The following CAMK1D variants were observed in gnomAD, a reference collection of about 807,000 sequenced individuals.
The protein encoded by CAMK1D is calcium/calmodulin dependent protein kinase ID.
Under a neutral mutation model 47.7 loss-of-function variants are expected in CAMK1D, and 9 were observed. That is an observed-to-expected ratio of 0.19 (90% CI 0.11 to 0.33). CAMK1D has a LOEUF of 0.33. CAMK1D is among the 10% of genes least tolerant of loss of function. CAMK1D has a pLI of 1.00. For synonymous variants in CAMK1D, 184 were observed against 184.9 expected (o/e 0.99, Z 0.04); for missense variants, 291 against 488.7 (o/e 0.60, Z 3.81).
At chr10:12,609,900 C>G (rs1588686450) in intron 2 of CAMK1D, among the ~76,000 whole-genome samples, 1 of 152,232 alleles carries the variant, frequency 6.6e-6, no homozygotes, top group South Asian at 2.1e-4. Context: ...CTCAAACATC[C>G]TGGAGAGTTG....
intron 1 of CAMK1D, among the ~76,000 whole-genome samples, chr10:12,487,926 A>G (rs777279642): frequency 2.0e-5 from 3 of 152,334 alleles, no homozygotes; most frequent in East Asian, 1.9e-4. Flanking sequence ...TCCTCCAGCC[A>G]TGTTGAAATA....
At position 12,831,109 on chromosome 10, in the gene CAMK1D, T is replaced by G. The variant is rs1239770863; in HGVS notation, c.*2222T>G. The G allele has an allele frequency of 6.6e-6, 1 of 152,204 alleles. No homozygotes were observed. Among genetic ancestry groups the G allele is most frequent in the Non-Finnish European group, 1.5e-5 (1 of 68,060 alleles). 9.4% of individuals were successfully genotyped at this position (152,204 alleles called of 1,614,324 possible). A position where few individuals can be genotyped will look rare whatever the true frequency, so the allele number is the denominator to read the frequency against. On this transcript the variant is annotated 3_prime_UTR_variant, in exon 11 of 11. Transcript: ENST00000619168. ...TCCACTGCTTGGCAGGAATTCTGCA[T>G]GGCATCTGCCACGCATGCTCACAGG...
intron 2 of CAMK1D, among the ~76,000 whole-genome samples, chr10:12,661,409 T>C (rs924106558): frequency 5.3e-5 from 8 of 152,222 alleles, no homozygotes; most frequent in African/African-American, 1.9e-4. Context: ...AGTTCTGTGA[T>C]CTTGGAATAC....
intron 2 of CAMK1D, among the ~76,000 whole-genome samples, chr10:12,657,253 C>T (rs551002545): frequency 5.3e-5 from 8 of 152,086 alleles, no homozygotes; most frequent in East Asian, 1.9e-4. Flanking sequence ...GGTGAAACCC[C>T]GTCTCTACTA....
chr10:12,499,938 G>A (rs1834650339), intron 1 of CAMK1D, among the ~76,000 whole-genome samples: 1 of 152,176 alleles, frequency 6.6e-6, no homozygotes, highest in South Asian at 2.1e-4. Context: ...GATGCTCCAA[G>A]AAGGCATAGT....
intron 2 of CAMK1D, among the ~76,000 whole-genome samples, chr10:12,647,034 G>A (rs1588729144): frequency 6.6e-6 from 1 of 151,764 alleles, no homozygotes; most frequent in East Asian, 1.9e-4. Flanking sequence ...GTAGAGATGG[G>A]GTTTCACCGT....
intron 1 of CAMK1D, among the ~76,000 whole-genome samples, chr10:12,538,977 A>G (rs960178036): frequency 1.6e-4 from 24 of 151,880 alleles, no homozygotes; most frequent in African/African-American, 5.3e-4. Flanking sequence ...CAAACAAGAC[A>G]GGTGGTCTCA....
intron 2 of CAMK1D, among the ~76,000 whole-genome samples, chr10:12,666,193 C>A (rs954822313): frequency 3.9e-5 from 6 of 151,972 alleles, no homozygotes; most frequent in African/African-American, 1.4e-4. Context: ...GGGACATGAA[C>A]CCCAGTGAGG....
intron 1 of CAMK1D, among the ~76,000 whole-genome samples, chr10:12,356,394 G>T (rs552274193): frequency 2.0e-5 from 3 of 152,296 alleles, no homozygotes; most frequent in African/African-American, 7.2e-5. Flanking sequence ...TGTGCTGGGA[G>T]GCTCTGGAAA....
At chr10:12,487,889 C>T (rs1834263718) in intron 1 of CAMK1D, among the ~76,000 whole-genome samples, 1 of 152,170 alleles carries the variant, frequency 6.6e-6, no homozygotes, top group Non-Finnish European at 1.5e-5. Context: ...TTAATACATG[C>T]TTGTTAAATA....
At chr10:12,644,966 G>T (rs1254126041) in intron 2 of CAMK1D, among the ~76,000 whole-genome samples, 1 of 150,640 alleles carries the variant, frequency 6.6e-6, no homozygotes, top group African/African-American at 2.4e-5. Flanking sequence ...TTACTTGAAG[G>T]TTAGGTAACC....
intron 1 of CAMK1D, among the ~76,000 whole-genome samples, chr10:12,379,811 C>T (rs1838287050): frequency 6.6e-6 from 1 of 152,080 alleles, no homozygotes; most frequent in Non-Finnish European, 1.5e-5. Flanking sequence ...CCAGTTTTTA[C>T]CATTCAGATT....
intron 2 of CAMK1D, among the ~76,000 whole-genome samples, chr10:12,557,626 TC>T (rs1161870754): frequency 6.6e-6 from 1 of 151,642 alleles, no homozygotes; most frequent in Non-Finnish European, 1.5e-5. Flanking sequence ...GTAGACAGGA[TC>T]CCAAATAGAC....
intron 2 of CAMK1D, among the ~76,000 whole-genome samples, chr10:12,611,701 C>G (rs1026281116): frequency 6.8e-6 from 1 of 146,898 alleles, no homozygotes; most frequent in Non-Finnish European, 1.5e-5. Flanking sequence ...AAGCAATTCT[C>G]CTGCCTCAGC....
At chr10:12,784,736 G>T (rs1278125689) in intron 5 of CAMK1D, among the ~76,000 whole-genome samples, 1 of 151,980 alleles carries the variant, frequency 6.6e-6, no homozygotes, top group East Asian at 1.9e-4. Flanking sequence ...ATTTTTTCTT[G>T]TACCTACTCA....
At chr10:12,801,657 C>CT (rs1214049172) in intron 6 of CAMK1D, among the ~76,000 whole-genome samples, 2 of 152,156 alleles carry the variant, frequency 1.3e-5, no homozygotes, top group African/African-American at 4.8e-5. Flanking sequence ...TCTCATCTGT[C>CT]TATCTTCATA....
At chr10:12,799,817 A>C (rs1488201736) in intron 6 of CAMK1D, among the ~76,000 whole-genome samples, 1 of 152,086 alleles carries the variant, frequency 6.6e-6, no homozygotes, top group Admixed American at 6.5e-5. Context: ...AGGAATCAAA[A>C]TGTGGATTTT....
chr10:12,417,630 C>G (rs1839899637), intron 1 of CAMK1D, among the ~76,000 whole-genome samples: 1 of 152,240 alleles, frequency 6.6e-6, no homozygotes, highest in South Asian at 2.1e-4. Flanking sequence ...AGTGTTTCCT[C>G]TACCTCCTGG....
At chr10:12,380,700 C>CA (rs763971261) in intron 1 of CAMK1D, among the ~76,000 whole-genome samples, 2 of 152,038 alleles carry the variant, frequency 1.3e-5, no homozygotes, top group East Asian at 1.9e-4. Context: ...ACTAAAAACA[C>CA]AAAAAATTAG....
Sources: allele counts gnomAD v4.1 joint callset (sites outside exome capture counted in the v4.1 genomes callset), GRCh38; gene constraint gnomAD v4.1.1; transcripts MANE v1.5; gene names NCBI Gene and HGNC (gene_info 2026-07-23, HGNC 2026-07-21).